TDRD5: variants seen among roughly 807,000 people sequenced by gnomAD.
The protein encoded by TDRD5 is tudor domain containing 5.
A neutral mutation model predicts 120.6 loss-of-function variants in TDRD5; 41 were observed. That is an observed-to-expected ratio of 0.34 (90% CI 0.26 to 0.44). The LOEUF is 0.44. TDRD5 is among the 20% of genes least tolerant of loss of function. The probability of loss-of-function intolerance (pLI) is 1.00; values close to 1 mark genes in which losing one functional copy is unlikely to be tolerated. For synonymous variants in TDRD5, 430 were observed against 433.7 expected (o/e 0.99, Z 0.11); for missense variants, 1,006 against 1,221.2 (o/e 0.82, Z 2.63).
In TDRD5 at chr1:179,652,056, C is replaced by T. The variant is rs770664893; in HGVS notation, c.2019C>T (p.Asn673=). 38 of 1,613,196 alleles carry T rather than the reference C, an allele frequency of 2.4e-5. No individual in the cohort carries two copies. Among genetic ancestry groups the T allele is most frequent in the Non-Finnish European group, 3.1e-5 (37 of 1,179,848 alleles). Reference sequence around the variant, plus strand: ...AATCTTAGGGTTTCAGTGAGCTCAACCCTTTAGCTTTATACACGACATCCA... The same window carrying T: ...AATCTTAGGGTTTCAGTGAGCTCAATCCTTTAGCTTTATACACGACATCCA... ...NISSKGFSEL[N]PLALYTTSSG... is the part of the protein sequence containing the mutation. The change falls in exon 13 of 18, where the codon AAC becomes AAT. Residue 673 remains asparagine, a synonymous_variant. Transcript: ENST00000444136.
rs778384703 is a variant in TDRD5, at chr1:179,634,611, G to A, written c.1281G>A (p.Val427=). ...AGATTTGCAAGAAGCCTAATCTGGTGGTAAAGCCTTTACAGCTGGTGAGTG... is the reference window on the plus strand; with the variant it reads ...AGATTTGCAAGAAGCCTAATCTGGTAGTAAAGCCTTTACAGCTGGTGAGTG... The part of the protein sequence containing the change: ...QQKICKKPNL[V]VKPLQLQVET... Residue 427 remains valine, a synonymous_variant, in exon 8 of 18, where the codon GTG becomes GTA. Transcript: ENST00000444136. The A allele has an allele frequency of 2.5e-6, 4 of 1,612,010 alleles. No homozygotes were observed. The East Asian group carries it at 8.9e-5, about 36-fold the overall frequency.
chr1:179,625,781 T>C (rs1677088750), intron 6 of TDRD5, among the ~76,000 whole-genome samples: 1 of 152,206 alleles, frequency 6.6e-6, no homozygotes, highest in Non-Finnish European at 1.5e-5. Context: ...ATGAAGAGAT[T>C]GTGGTACGTT....
chr1:179,624,402 A>G, intron 6 of TDRD5, among the ~76,000 whole-genome samples: 1 of 152,202 alleles, frequency 6.6e-6, no homozygotes, highest in Middle Eastern at 3.2e-3. Flanking sequence ...TACTGCTTCT[A>G]TTCAACATTG....
At chr1:179,660,463 G>A (rs571871065) in intron 14 of TDRD5, among the ~76,000 whole-genome samples, 20 of 151,536 alleles carry the variant, frequency 1.3e-4, no homozygotes, top group African/African-American at 2.7e-4. Context: ...CTCATGATCC[G>A]CCCACCTTGA....
At chr1:179,688,133 C>T (rs1472012268) in intron 17 of TDRD5, among the ~76,000 whole-genome samples, 7 of 152,038 alleles carry the variant, frequency 4.6e-5, no homozygotes, top group Non-Finnish European at 1.5e-5. Context: ...CAGTTTCTTC[C>T]TAGCATTGAT....
chr1:179,637,049 A>C (rs1677800839), intron 9 of TDRD5, among the ~76,000 whole-genome samples: 1 of 152,214 alleles, frequency 6.6e-6, no homozygotes, highest in African/African-American at 2.4e-5. Context: ...ACACCATGTA[A>C]AATATGGACA....
chr1:179,632,771 A>T lies in TDRD5; in HGVS notation c.1127-1686A>T, dbSNP rs189463060. Among the ~76,000 whole-genome samples, 193 of 152,302 alleles carry T rather than the reference A, an allele frequency of 1.3e-3. 2 individuals are homozygous for T. The highest frequency in any genetic ancestry group is 0.011 in the Admixed American group (166 of 15,302). ...TCCTACACAAAACAGTAGTATATAA[A>T]TACAAATTTTCCTCAACTTATGATG... On this transcript the variant is annotated intron_variant, in intron 7 of 17. Coordinates refer to ENST00000444136, the MANE Select transcript of TDRD5 (RefSeq NM_001199085.3).
intron 9 of TDRD5, among the ~76,000 whole-genome samples, chr1:179,636,998 A>G (rs954360421): frequency 6.6e-6 from 1 of 152,220 alleles, no homozygotes; most frequent in Admixed American, 6.5e-5. Context: ...ACTAACTTAT[A>G]TTATCTCTTT....
At chr1:179,679,648 T>G (rs1389146825) in intron 17 of TDRD5, among the ~76,000 whole-genome samples, 1 of 152,126 alleles carries the variant, frequency 6.6e-6, no homozygotes, top group Admixed American at 6.5e-5. Flanking sequence ...TTTATTAACA[T>G]AAATTTTCAT....
chr1:179,621,088 T>C lies in TDRD5; in HGVS notation c.969T>C (p.Tyr323=). 1 of 1,598,250 alleles carries C rather than the reference T, an allele frequency of 6.3e-7. No homozygotes were observed. The highest frequency in any genetic ancestry group is 8.5e-7 in the Non-Finnish European group (1 of 1,175,624). Residue 323 remains tyrosine (Y), a synonymous_variant, in exon 6 of 18, where the codon TAT becomes TAC. Transcript: ENST00000444136. ...GLFISKLLGE[Y]EVIFKEQLSP... ...TTATTTCTAAACTGCTTGGAGAGTA[T>C]GAGGTAAGTGTTTTGCTTTTCCCCA...
At chr1:179,634,348 G>A in intron 7 of TDRD5, 109 bp from the exon 8 acceptor site, 1 of 1,128,430 alleles carries the variant, frequency 8.9e-7, no homozygotes, top group African/African-American at 1.6e-5. Flanking sequence ...CACCTGGTGT[G>A]TTGAAGGTGC....
chr1:179,592,639 G>T lies in TDRD5; in HGVS notation c.24G>T (p.Gln8His). 6.2e-7 allele frequency: 1 copy of T among 1,614,002 alleles called. No homozygotes were observed. MSEQERI[Q>H]ECLRKEIRSL... Reference sequence around the variant, plus strand: ...CAATGTCTGAACAAGAGCGTATACAGGAATGTCTGCGGAAGGAAATAAGGT... The same window carrying T: ...CAATGTCTGAACAAGAGCGTATACATGAATGTCTGCGGAAGGAAATAAGGT... Residue 8 changes from glutamine (Q) to histidine (H), a missense_variant, in exon 2 of 18, where the codon CAG becomes CAT. This residue lies in a region of TDRD5 where 445 missense variants were observed against 515.5 expected (regional missense o/e 0.86). Coordinates refer to ENST00000444136, the MANE Select transcript of TDRD5 (RefSeq NM_001199085.3).
intron 14 of TDRD5, among the ~76,000 whole-genome samples, chr1:179,659,896 A>G (rs902701294): frequency 5.3e-5 from 8 of 151,858 alleles, no homozygotes; most frequent in Admixed American, 2.0e-4. Flanking sequence ...GGATTTCTCC[A>G]TGTTGGTCAG....
At chr1:179,637,445 A>G (rs1572380778) in intron 9 of TDRD5, among the ~76,000 whole-genome samples, 1 of 152,330 alleles carries the variant, frequency 6.6e-6, no homozygotes, top group East Asian at 1.9e-4. Context: ...GTTAGCTGCT[A>G]TTATTATTAA....
chr1:179,604,972 T>C (rs533691873), intron 4 of TDRD5, among the ~76,000 whole-genome samples: 5 of 152,320 alleles, frequency 3.3e-5, no homozygotes, highest in African/African-American at 7.2e-5. Context: ...CAGTGGAGTA[T>C]TGAGGTCCTC....
rs750024486 is a variant in TDRD5, at chr1:179,592,639, G to C, written c.24G>C (p.Gln8His). Reference sequence around the variant, plus strand: ...CAATGTCTGAACAAGAGCGTATACAGGAATGTCTGCGGAAGGAAATAAGGT... The same window carrying C: ...CAATGTCTGAACAAGAGCGTATACACGAATGTCTGCGGAAGGAAATAAGGT... MSEQERI[Q>H]ECLRKEIRSL... Residue 8 changes from glutamine to histidine, a missense_variant, in exon 2 of 18, where the codon CAG becomes CAC. Physicochemically the swap from Gln to His is conservative, Grantham distance 24 (BLOSUM62 0). This residue lies in a region of TDRD5 where 445 missense variants were observed against 515.5 expected (regional missense o/e 0.86). Coordinates refer to ENST00000444136, the MANE Select transcript of TDRD5 (RefSeq NM_001199085.3). The C allele has an allele frequency of 6.2e-7, 1 of 1,613,884 alleles. No homozygotes were observed. Among genetic ancestry groups the C allele is most frequent in the South Asian group, 1.1e-5 (1 of 91,082 alleles).
intron 14 of TDRD5, among the ~76,000 whole-genome samples, chr1:179,655,571 A>G (rs1678961068): frequency 6.6e-6 from 1 of 152,142 alleles, no homozygotes. Flanking sequence ...CCATCATCTA[A>G]AATAACTCCC....
At chr1:179,640,877 TAGG>T (rs1279549232) in intron 11 of TDRD5, among the ~76,000 whole-genome samples, 1 of 152,164 alleles carries the variant, frequency 6.6e-6, no homozygotes, top group Admixed American at 6.5e-5. Flanking sequence ...GTCAAAGAAA[TAGG>T]AGCCTAATGT....
At chr1:179,679,146 T>A (rs1336603708) in intron 17 of TDRD5, among the ~76,000 whole-genome samples, 2 of 152,162 alleles carry the variant, frequency 1.3e-5, no homozygotes, top group African/African-American at 2.4e-5. Flanking sequence ...TTTAATTGAC[T>A]GTTTATGGGA....
Sources: gnomAD v4.1 joint callset for allele counts (sites outside exome capture counted in the v4.1 genomes callset) on GRCh38, gnomAD v4.1.1 for gene constraint, gnomAD v4.1.1 regional missense constraint, MANE v1.5 for transcripts, NCBI Gene and HGNC (gene_info 2026-07-23, HGNC 2026-07-21) for gene names.